Variants in ANKFN1 observed in about 807,000 individuals in gnomAD.
ANKFN1 encodes the protein ankyrin repeat and fibronectin type-III domain-containing protein 1.
In ANKFN1, 74 loss-of-function variants were observed where a neutral mutation model predicts 108.7. The observed-to-expected ratio is 0.68, with a 90% CI of 0.56 to 0.83. The LOEUF is 0.83. ANKFN1 is among the 40% of genes least tolerant of loss of function. The pLI is 0.00. For synonymous variants in ANKFN1, 547 were observed against 516.2 expected, an observed-to-expected ratio of 1.06 and a Z score of -0.81; for missense variants, 1,505 against 1,382.3, an observed-to-expected ratio of 1.09 and a Z score of -1.41.
intron 4 of ANKFN1, among the ~76,000 whole-genome samples, chr17:56,071,230 C>T (rs755387963): frequency 2.6e-5 from 4 of 152,296 alleles, no homozygotes; most frequent in Middle Eastern, 3.4e-3. Context: ...TTTCATTTTG[C>T]ACCCATTTCT....
intron 3 of ANKFN1, among the ~76,000 whole-genome samples, chr17:56,235,763 A>G (rs1290924102): frequency 1.3e-5 from 2 of 152,200 alleles, no homozygotes; most frequent in Admixed American, 1.3e-4. Flanking sequence ...GCAGCCCTGT[A>G]TTATAGTTTG....
chr17:56,342,227 C>T (rs1598430858), intron 4 of ANKFN1, among the ~76,000 whole-genome samples: 4 of 145,248 alleles, frequency 2.8e-5, no homozygotes, highest in Admixed American at 6.9e-5. Flanking sequence ...AATGGTTTAT[C>T]TTTTTTTTTT....
At chr17:56,413,579 T>C (rs930952777) in intron 8 of ANKFN1, among the ~76,000 whole-genome samples, 1 of 152,244 alleles carries the variant, frequency 6.6e-6, no homozygotes, top group Non-Finnish European at 1.5e-5. Context: ...TCAGCTCTTA[T>C]TATTTTGAGT....
intron 14 of ANKFN1, among the ~76,000 whole-genome samples, chr17:56,463,592 G>T (rs1198697768): frequency 6.6e-6 from 1 of 152,110 alleles, no homozygotes; most frequent in Non-Finnish European, 1.5e-5. Context: ...ATGTCAGAGG[G>T]CCCAAAGAGG....
At chr17:56,144,182 AAAACAG>A (rs1908108146) in intron 4 of ANKFN1, among the ~76,000 whole-genome samples, 1 of 69,884 alleles carries the variant, frequency 1.4e-5, no homozygotes, top group African/African-American at 3.9e-5. Flanking sequence ...AAAAAAAAAA[AAAACAG>A]CCCAAACCAA....
At chr17:56,085,099 A>C (rs980537005) in intron 4 of ANKFN1, among the ~76,000 whole-genome samples, 1 of 150,112 alleles carries the variant, frequency 6.7e-6, no homozygotes, top group African/African-American at 2.5e-5. Flanking sequence ...TGAGCTCTTA[A>C]TATGTGCCAG....
intron 3 of ANKFN1, among the ~76,000 whole-genome samples, chr17:56,247,765 G>A (rs2043151428): frequency 1.3e-5 from 2 of 152,138 alleles, no homozygotes; most frequent in Admixed American, 6.6e-5. Context: ...TCTTAAGATT[G>A]TCTATTAAAA....
At chr17:56,153,121 C>T (rs1908766910), upstream of ANKFN1, among the ~76,000 whole-genome samples, 3 of 152,202 alleles carry the variant, frequency 2.0e-5, no homozygotes, top group Admixed American at 2.0e-4. Context: ...TCTCTCTTTC[C>T]TTCCCACCCT....
chr17:56,082,050 A>T (rs1905252221), intron 4 of ANKFN1, among the ~76,000 whole-genome samples: 1 of 152,136 alleles, frequency 6.6e-6, no homozygotes, highest in African/African-American at 2.4e-5. Context: ...AGGCAGTGTG[A>T]CAACTGCCTG....
intron 10 of ANKFN1, among the ~76,000 whole-genome samples, chr17:56,445,779 G>T (rs1419211139): frequency 6.6e-6 from 1 of 152,048 alleles, no homozygotes; most frequent in African/African-American, 2.4e-5. Context: ...ATGTTATATG[G>T]TATGGTACAT....
intron 3 of ANKFN1, among the ~76,000 whole-genome samples, chr17:56,279,175 G>T (rs1186131673): frequency 6.6e-6 from 1 of 151,898 alleles, no homozygotes; most frequent in East Asian, 1.9e-4. Flanking sequence ...TGGAAAAAAT[G>T]GTATTACAAA....
intron 8 of ANKFN1, among the ~76,000 whole-genome samples, chr17:56,386,880 TTTTG>T (rs2047292535): frequency 6.6e-6 from 1 of 152,116 alleles, no homozygotes; most frequent in South Asian, 2.1e-4. Flanking sequence ...TTTTGTTTTA[TTTTG>T]TTTAAGAAAG....
chr17:56,203,751 C>G (rs1914262088), intron 1 of ANKFN1, among the ~76,000 whole-genome samples: 1 of 152,144 alleles, frequency 6.6e-6, no homozygotes, highest in Non-Finnish European at 1.5e-5. Context: ...TACCTAGAAG[C>G]TGGAGAGACA....
At chr17:56,434,804 T>C (rs1223923358) in intron 8 of ANKFN1, among the ~76,000 whole-genome samples, 7 of 152,120 alleles carry the variant, frequency 4.6e-5, no homozygotes, top group African/African-American at 1.7e-4. Context: ...TCTCTTCTTC[T>C]TGTGCTATGG....
chr17:56,287,877 T>C (rs1233930299), intron 3 of ANKFN1, among the ~76,000 whole-genome samples: 1 of 152,104 alleles, frequency 6.6e-6, no homozygotes, highest in Non-Finnish European at 1.5e-5. Context: ...TGTTACACAG[T>C]GTGGGGATGG....
intron 4 of ANKFN1, among the ~76,000 whole-genome samples, chr17:56,344,958 T>C (rs1000303582): frequency 2.0e-5 from 3 of 152,216 alleles, no homozygotes; most frequent in Admixed American, 1.3e-4. Flanking sequence ...ACATGTGCCC[T>C]GGTGGTTTGC....
chr17:56,466,439 C>T lies in ANKFN1; in HGVS notation c.1641C>T (p.Ile547=). 1 of 1,614,150 alleles carries T rather than the reference C, an allele frequency of 6.2e-7. No homozygotes were observed. The highest frequency in any genetic ancestry group is 1.3e-5 in the African/African-American group (1 of 75,052). The stretch of plus-strand genomic sequence containing the variant: ...ATGGAAACATACTCATAGTCACCAT[C>T]AGGGAGGTGGAGATGCTTTATTCAT... ...DRHGNILIVT[I]REVEMLYSFF... is the part of the protein sequence containing the mutation. The change falls in exon 15 of 21, where the codon ATC becomes ATT. Residue 547 remains isoleucine (I), a synonymous_variant. Transcript: ENST00000682825.
chr17:56,371,574 A>T (rs146226978), intron 6 of ANKFN1, among the ~76,000 whole-genome samples: 257 of 152,334 alleles, frequency 1.7e-3, no homozygotes, highest in African/African-American at 4.8e-3. Flanking sequence ...AGGGAGTGTC[A>T]AACACATTTC....
At chr17:56,072,507 A>G (rs1041279190) in intron 4 of ANKFN1, among the ~76,000 whole-genome samples, 1 of 152,188 alleles carries the variant, frequency 6.6e-6, no homozygotes, top group African/African-American at 2.4e-5. Flanking sequence ...ACCCCCGTTC[A>G]TGAGACCTTC....
Sources: gnomAD v4.1 joint callset for allele counts (sites outside exome capture counted in the v4.1 genomes callset) on GRCh38, gnomAD v4.1.1 for gene constraint, MANE v1.5 for transcripts, NCBI Gene and HGNC (gene_info 2026-07-23, HGNC 2026-07-21) for gene names.